SNX2: variants seen among roughly 807,000 people sequenced by gnomAD.
SNX2 encodes sorting nexin 2.
SNX2 carries 25 observed loss-of-function variants against 69.9 expected under a neutral mutation model. The observed-to-expected ratio is 0.36, with a 90% CI of 0.26 to 0.50. SNX2 has a LOEUF of 0.50. Ranked by LOEUF, SNX2 falls within the 20% of genes least tolerant of loss-of-function variation. The pLI is 0.97. For synonymous variants in SNX2, 229 were observed against 200.4 expected (o/e 1.14, Z -1.20); for missense variants, 551 against 613.3 (o/e 0.90, Z 1.07).
Position 122,817,294 on chromosome 5 carries a change from G to A in SNX2, c.927G>A (p.Lys309=). ...TTTTTTCTTAGTGGTTTGAAGAAAA[G>A]CAGCAGCAATTTGAGAATCTGGATC... is the stretch of plus-strand genomic sequence containing the variant. ...MNESDAWFEE[K]QQQFENLDQQ... The change falls in exon 10 of 15, where the codon AAG becomes AAA. Residue 309 remains lysine, a synonymous_variant. Transcript: ENST00000379516. 1 of 1,613,640 alleles carries A rather than the reference G, an allele frequency of 6.2e-7. No homozygotes were observed.
At position 122,830,499 on chromosome 5, in the gene SNX2, TTTTGG is replaced by T. The variant is rs1754261866; in HGVS notation, c.*855_*859del. Among the ~76,000 whole-genome samples, 1 of 152,224 alleles carries T rather than the reference TTTTGG, an allele frequency of 6.6e-6. No homozygotes were observed. Among genetic ancestry groups the T allele is most frequent in the Admixed American group, 6.5e-5 (1 of 15,288 alleles). Reference sequence around the variant, plus strand: ...TGCATATATTTAATTTATTCTTGTCTTTTGGTTTTTTTTCTTTTAAACTAAAAGTA... The same window carrying T: ...TGCATATATTTAATTTATTCTTGTCTTTTTTTTTCTTTTAAACTAAAAGTA... On this transcript the variant is annotated 3_prime_UTR_variant, in exon 15 of 15. Coordinates refer to ENST00000379516, the MANE Select transcript of SNX2 (RefSeq NM_003100.4).
chr5:122,778,228 G>A (rs1269295927), intron 1 of SNX2, among the ~76,000 whole-genome samples: 1 of 152,124 alleles, frequency 6.6e-6, no homozygotes, highest in East Asian at 1.9e-4. Context: ...ATCTGTTGGT[G>A]GATATCTAGA....
intron 11 of SNX2, among the ~76,000 whole-genome samples, chr5:122,822,530 T>G (rs1236902895): frequency 1.3e-5 from 2 of 152,224 alleles, no homozygotes; most frequent in African/African-American, 4.8e-5. Context: ...TTCTTCAAAT[T>G]AGGAATACTT....
At chr5:122,776,492 G>A (rs1198358143) in intron 1 of SNX2, among the ~76,000 whole-genome samples, 4 of 151,960 alleles carry the variant, frequency 2.6e-5, no homozygotes, top group Non-Finnish European at 4.4e-5. Flanking sequence ...GCCAAAAGCC[G>A]CAATTACTTT....
chr5:122,797,991 C>G (rs993459159), intron 2 of SNX2, among the ~76,000 whole-genome samples: 1 of 152,096 alleles, frequency 6.6e-6, no homozygotes, highest in Non-Finnish European at 1.5e-5. Flanking sequence ...GTTTAAATGA[C>G]TTTATCTGTA....
At chr5:122,778,421 A>C (rs1004468408) in intron 1 of SNX2, among the ~76,000 whole-genome samples, 2 of 152,212 alleles carry the variant, frequency 1.3e-5, no homozygotes, top group African/African-American at 2.4e-5. Context: ...TGGCTATACT[A>C]ATTACGTTCC....
chr5:122,812,050 C>G (rs1307225096), intron 7 of SNX2, among the ~76,000 whole-genome samples: 1 of 152,162 alleles, frequency 6.6e-6, no homozygotes, highest in Non-Finnish European at 1.5e-5. Context: ...CCTTTTCTCA[C>G]CAGTCTACTG....
At chr5:122,819,290 T>G (rs1332293596) in intron 11 of SNX2, among the ~76,000 whole-genome samples, 1 of 152,246 alleles carries the variant, frequency 6.6e-6, no homozygotes, top group Admixed American at 6.5e-5. Context: ...TATACAAGTT[T>G]GGAACTAACT....
chr5:122,828,698 C>T (rs1387284571), intron 14 of SNX2, among the ~76,000 whole-genome samples: 1 of 152,096 alleles, frequency 6.6e-6, no homozygotes, highest in Non-Finnish European at 1.5e-5. Flanking sequence ...AAAAATTGTA[C>T]ATTAAAAGAA....
intron 1 of SNX2, among the ~76,000 whole-genome samples, chr5:122,793,805 CA>C (rs1365623358): frequency 1.3e-5 from 2 of 150,792 alleles, no homozygotes; most frequent in African/African-American, 4.9e-5. Flanking sequence ...CCCAGCTACT[CA>C]GGAGGCTGAG....
At chr5:122,812,432 C>G (rs1753801375) in intron 7 of SNX2, among the ~76,000 whole-genome samples, 1 of 152,158 alleles carries the variant, frequency 6.6e-6, no homozygotes, top group African/African-American at 2.4e-5. Context: ...ATGCTTTGTT[C>G]CTAGGTATCT....
chr5:122,799,972 T>G, intron 3 of SNX2, 117 bp downstream of exon 3: 1 of 754,080 alleles, frequency 1.3e-6, no homozygotes, highest in Admixed American at 3.0e-5. Flanking sequence ...GGGAAAAGAA[T>G]ATTGGACTAA....
At chr5:122,811,046 T>A (rs931153795) in intron 7 of SNX2, among the ~76,000 whole-genome samples, 3 of 149,664 alleles carry the variant, frequency 2.0e-5, no homozygotes, top group Non-Finnish European at 4.5e-5. Flanking sequence ...TTTCTTAAAC[T>A]TTAAACATCA....
chr5:122,816,669 T>C (rs1469249538), intron 8 of SNX2, among the ~76,000 whole-genome samples: 1 of 152,156 alleles, frequency 6.6e-6, no homozygotes, highest in Non-Finnish European at 1.5e-5. Context: ...TCCATCTAAA[T>C]GTAAACGTGC....
At position 122,806,107 on chromosome 5, in the gene SNX2, T is replaced by TGTGC. The variant is rs1554063132; in HGVS notation, c.644-2167_644-2166insCGTG. 6.1e-3 allele frequency among the ~76,000 whole-genome samples: 487 copies of TGTGC among 79,604 alleles called. 4 individuals are homozygous for TGTGC. Among genetic ancestry groups the TGTGC allele is most frequent in the African/African-American group, 0.019 (464 of 24,988 alleles). 52.2% of individuals were successfully genotyped at this position (79,604 alleles called of 152,430 possible). A position where few individuals can be genotyped will look rare whatever the true frequency, so the allele number is the denominator to read the frequency against. ...TTTAAAACTTTTATGTGTGTGTGTG[T>TGTGC]GTGTGCGTGTGTGTATATATATACA... On this transcript the variant is annotated intron_variant, in intron 6 of 14. Coordinates refer to ENST00000379516, the MANE Select transcript of SNX2 (RefSeq NM_003100.4).
Position 122,803,532 on chromosome 5 carries a change from C to A in SNX2, c.562C>A (p.Leu188Ile). The change falls in exon 6 of 15, where the codon CTT becomes ATT. Residue 188 changes from leucine (L) to isoleucine (I), a missense_variant. Coordinates refer to ENST00000379516, the MANE Select transcript of SNX2 (RefSeq NM_003100.4). ...FSVKRRFSDF[L>I]GLHSKLASKY... The stretch of plus-strand genomic sequence containing the variant: ...AGTGAAAAGAAGATTCAGCGACTTT[C>A]TTGGTTTGCACAGCAAATTAGCAAG... 2 of 1,612,854 alleles carry A rather than the reference C, an allele frequency of 1.2e-6. No homozygotes were observed. Among genetic ancestry groups the A allele is most frequent in the Non-Finnish European group, 1.7e-6 (2 of 1,179,562 alleles).
At chr5:122,778,052 A>G (rs967910228) in intron 1 of SNX2, among the ~76,000 whole-genome samples, 20 of 152,328 alleles carry the variant, frequency 1.3e-4, no homozygotes, top group Admixed American at 1.2e-3. Context: ...TAACTTTTAC[A>G]TATGAGTAGG....
intron 6 of SNX2, 26 bp downstream of exon 6, chr5:122,803,639 A>G (rs367610827): frequency 6.3e-6 from 10 of 1,575,158 alleles, no homozygotes; most frequent in Non-Finnish European, 7.8e-6. Context: ...TCAAAAATTA[A>G]TTTTTGTTAC....
chr5:122,814,403 T>C (rs1290268260), intron 7 of SNX2, among the ~76,000 whole-genome samples: 1 of 152,236 alleles, frequency 6.6e-6, no homozygotes, highest in East Asian at 1.9e-4. Flanking sequence ...GTATCGAAGA[T>C]ACCTGTTAAA....
Sources: allele counts gnomAD v4.1 joint callset (sites outside exome capture counted in the v4.1 genomes callset), GRCh38; gene constraint gnomAD v4.1.1; transcripts MANE v1.5; gene names NCBI Gene and HGNC (gene_info 2026-07-23, HGNC 2026-07-21).